The following FAM135A variants were observed in gnomAD, a reference collection of about 807,000 sequenced individuals.
FAM135A encodes protein FAM135A.
A neutral mutation model predicts 146.8 loss-of-function variants in FAM135A; 79 were observed. The observed-to-expected ratio is 0.54, with a 90% confidence interval of 0.45 to 0.65. FAM135A has a LOEUF of 0.65. Ranked by LOEUF, FAM135A falls within the 30% of genes least tolerant of loss-of-function variation. FAM135A has a pLI of 0.00. For synonymous variants in FAM135A, 562 were observed against 603.6 expected, an observed-to-expected ratio of 0.93 and a Z score of 1.01; for missense variants, 1,623 against 1,758.2, an observed-to-expected ratio of 0.92 and a Z score of 1.38.
intron 11 of FAM135A, among the ~76,000 whole-genome samples, chr6:70,491,594 A>G (rs1337541417): frequency 6.6e-6 from 1 of 151,968 alleles, no homozygotes; most frequent in Non-Finnish European, 1.5e-5. Context: ...CATTAATGGA[A>G]GAAATCAGAG....
chr6:70,550,334 C>T (rs1284594028), intron 20 of FAM135A, among the ~76,000 whole-genome samples: 1 of 152,208 alleles, frequency 6.6e-6, no homozygotes, highest in Non-Finnish European at 1.5e-5. Context: ...CCTATGGCAG[C>T]TATCACCTTA....
At chr6:70,429,240 T>TG (rs749112729) in intron 4 of FAM135A, among the ~76,000 whole-genome samples, 29 of 152,154 alleles carry the variant, frequency 1.9e-4, no homozygotes, top group Non-Finnish European at 3.1e-4. Flanking sequence ...GGGCCAGGTG[T>TG]GGTGGCTCAC....
At chr6:70,526,759 A>G in intron 15 of FAM135A, 61 bp downstream of exon 15, 1 of 656,860 alleles carries the variant, frequency 1.5e-6, no homozygotes, top group East Asian at 3.2e-5. Context: ...ATACACACAC[A>G]CACACATACA....
At chr6:70,475,963 T>G (rs1330859178) in intron 7 of FAM135A, among the ~76,000 whole-genome samples, 1 of 152,208 alleles carries the variant, frequency 6.6e-6, no homozygotes, top group Non-Finnish European at 1.5e-5. Flanking sequence ...TGGAACAATT[T>G]TTCCTAGCTC....
rs781287498 is a variant in FAM135A at position 70,452,562 on chromosome 6, C to T, written c.148C>T (p.His50Tyr). The T allele has an allele frequency of 3.2e-6, 5 of 1,582,202 alleles. No individual in the cohort carries two copies. In the African/African-American group the frequency reaches 6.9e-5, roughly 22 times the overall value. Residue 50 changes from histidine to tyrosine, a missense_variant, in exon 5 of 22, where the codon CAT becomes TAT. This residue lies in a region of FAM135A where 171 missense variants were observed against 164.9 expected (regional missense o/e 1.04). Coordinates refer to ENST00000418814, the MANE Select transcript of FAM135A (RefSeq NM_001162529.3). Reference protein sequence around the residue: ...IPHRVEASLLHATGMTLAFPA... With the variant: ...IPHRVEASLLYATGMTLAFPA... ...CCACAGAGTAGAAGCTAGTTTGTTG[C>T]ATGCAACAGGTAAGCCAAAGAATAC... is the stretch of plus-strand genomic sequence containing the variant.
At chr6:70,433,200 G>C (rs1156265539) in intron 4 of FAM135A, among the ~76,000 whole-genome samples, 1 of 151,506 alleles carries the variant, frequency 6.6e-6, no homozygotes, top group Non-Finnish European at 1.5e-5. Context: ...TCAGCCTTCC[G>C]AGTAGCTGGG....
Position 70,526,764 on chromosome 6 carries a change from CAT to C in FAM135A, c.3614+68_3614+69del, listed in dbSNP as rs111717563. 1.9e-3 allele frequency: 1,113 copies of C among 593,640 alleles called. 4 individuals are homozygous for C. In the African/African-American group the frequency reaches 0.023, roughly 12 times the overall value. 36.8% of individuals were successfully genotyped at this position (593,640 alleles called of 1,614,324 possible). ...ACATATATATATACACACACACACA[CAT>C]ACACACACACACACACACACACACA... On this transcript the variant is annotated intron_variant, in intron 15 of 21. Transcript: ENST00000418814.
At chr6:70,423,282 G>A (rs576998006) in intron 2 of FAM135A, among the ~76,000 whole-genome samples, 6 of 152,338 alleles carry the variant, frequency 3.9e-5, no homozygotes, top group Non-Finnish European at 2.9e-5. Context: ...AGTAAGATTG[G>A]AAGCCACAGA....
At position 70,419,368 on chromosome 6, in the gene FAM135A, G is replaced by A. The variant is rs112194795; in HGVS notation, c.-134+3992G>A. 2.6e-3 allele frequency among the ~76,000 whole-genome samples: 389 copies of A among 151,816 alleles called. 3 individuals carry two copies. The highest frequency in any genetic ancestry group is 8.6e-3 in the African/African-American group (355 of 41,366). The stretch of plus-strand genomic sequence containing the variant: ...TGGGAGGCAGAAGTTGGAGTGAGCC[G>A]AGATAGCGCCACTGCACTCCAGCCT... On this transcript the variant is annotated intron_variant, in intron 2 of 21. Coordinates refer to ENST00000418814, the MANE Select transcript of FAM135A (RefSeq NM_001162529.3).
Position 70,482,132 on chromosome 6 carries a change from T to C in FAM135A, c.801T>C (p.Pro267=). Residue 267 remains proline, a synonymous_variant, in exon 10 of 22, where the codon CCT becomes CCC. Transcript: ENST00000418814. ...SYFITVTEEI[P]SCQKLELEEM... ...TCATTACAGTAACAGAAGAGATTCC[T>C]TCTTGTCAGAAACTAGAACTGGGTA... The C allele has an allele frequency of 6.2e-7, 1 of 1,613,516 alleles. No homozygotes were observed. Among genetic ancestry groups the C allele is most frequent in the Non-Finnish European group, 8.5e-7 (1 of 1,179,704 alleles).
At chr6:70,504,083 T>A (rs1406853274) in intron 12 of FAM135A, 1 of 152,190 alleles carries the variant, frequency 6.6e-6, no homozygotes, top group African/African-American at 2.4e-5. Context: ...GTTGTACCAA[T>A]TTTTACTCCC....
intron 5 of FAM135A, among the ~76,000 whole-genome samples, chr6:70,465,865 A>G (rs1448023156): frequency 6.6e-6 from 1 of 152,164 alleles, no homozygotes; most frequent in Non-Finnish European, 1.5e-5. Context: ...TGCCTTCGAG[A>G]AATCTCCATT....
At chr6:70,547,505 T>TGCCC (rs1258938304) in intron 20 of FAM135A, among the ~76,000 whole-genome samples, 2 of 152,196 alleles carry the variant, frequency 1.3e-5, no homozygotes, top group East Asian at 3.8e-4. Context: ...CTCTGGCCTC[T>TGCCC]GCCCACTAGA....
intron 20 of FAM135A, 48 bp downstream of exon 20, chr6:70,538,449 A>T (rs1582837127): frequency 6.7e-6 from 7 of 1,043,190 alleles, no homozygotes; most frequent in African/African-American, 4.1e-5. Context: ...AAAACTTTTT[A>T]AAAAATAAAC....
intron 20 of FAM135A, among the ~76,000 whole-genome samples, chr6:70,539,485 A>G (rs12111371): frequency 0.019 from 2,879 of 152,296 alleles, 96 homozygotes; most frequent in African/African-American, 0.065. Flanking sequence ...CTCACAGGCC[A>G]TGTCTTGCTA....
chr6:70,520,077 CT>C (rs947182489), intron 12 of FAM135A, among the ~76,000 whole-genome samples: 2 of 150,106 alleles, frequency 1.3e-5, no homozygotes, highest in African/African-American at 2.4e-5. Context: ...GAATTCTAGG[CT>C]TTTTTTTTAA....
intron 4 of FAM135A, among the ~76,000 whole-genome samples, chr6:70,447,108 C>T (rs192547297): frequency 6.6e-6 from 1 of 152,320 alleles, no homozygotes; most frequent in East Asian, 1.9e-4. Flanking sequence ...CGTGGACAGT[C>T]AGTGCTGTAG....
chr6:70,525,135 A>G lies in FAM135A; in HGVS notation c.2051A>G (p.Gln684Arg), dbSNP rs758334092. 2 of 1,568,362 alleles carry G rather than the reference A, an allele frequency of 1.3e-6. No individual in the cohort carries two copies. The highest frequency in any genetic ancestry group is 1.4e-5 in the African/African-American group (1 of 72,934). ...VKLGPWTELR[Q>R]EEILVDNLLP... ...CTAGGACCTTGGACAGAGCTTCGAC[A>G]AGAGGAAATACTTGTGGATAATTTA... is the stretch of plus-strand genomic sequence containing the variant. The change falls in exon 15 of 22, where the codon CAA (glutamine) becomes CGA (arginine). Residue 684 changes from glutamine (Q) to arginine (R), a missense_variant. By Grantham distance (43) the Gln-to-Arg change is conservative. Around this residue, in one of 7 missense-constraint regions of FAM135A, gnomAD observed 1,061 missense variants for 1,113.8 expected, o/e 0.95. Transcript: ENST00000418814.
At chr6:70,544,487 C>G (rs1798489854) in intron 20 of FAM135A, among the ~76,000 whole-genome samples, 1 of 151,998 alleles carries the variant, frequency 6.6e-6, no homozygotes, top group Non-Finnish European at 1.5e-5. Context: ...GAGATCTCGC[C>G]ATTGCACTCC....
Sources: gnomAD v4.1 joint callset for allele counts (sites outside exome capture counted in the v4.1 genomes callset) on GRCh38, gnomAD v4.1.1 for gene constraint, gnomAD v4.1.1 regional missense constraint, MANE v1.5 for transcripts, NCBI Gene and HGNC (gene_info 2026-07-23, HGNC 2026-07-21) for gene names.